The following SAMD5 variants were observed in gnomAD, a reference collection of about 807,000 sequenced individuals.
The protein encoded by SAMD5 is sterile alpha motif domain containing 5.
A neutral mutation model predicts 11.3 loss-of-function variants in SAMD5; 13 were observed. The observed-to-expected ratio is 1.15, with a 90% CI of 0.75 to 1.83. The LOEUF (loss-of-function observed/expected upper bound fraction) is 1.83, where lower values mean the gene tolerates loss of function less well. Ranked by LOEUF, SAMD5 falls within the 40% of genes most tolerant of loss-of-function variation. The pLI, the probability that SAMD5 is intolerant of heterozygous loss-of-function variation, is 0.00. For missense variants in SAMD5, 255 were observed against 239.1 expected, an observed-to-expected ratio of 1.07 and a Z score of -0.44; for synonymous variants, 129 against 111.3, an observed-to-expected ratio of 1.16 and a Z score of -1.00.
chr6:147,544,879 A>G (rs1366474990), intron 1 of SAMD5, among the ~76,000 whole-genome samples: 1 of 152,334 alleles, frequency 6.6e-6, no homozygotes, highest in East Asian at 1.9e-4. Context: ...AACACTTTCA[A>G]AGTTAATTCT....
chr6:147,877,735 T>C, the SAMD5 span, among the ~76,000 whole-genome samples: 1 of 151,810 alleles, frequency 6.6e-6, no homozygotes, highest in African/African-American at 2.4e-5. Flanking sequence ...AGAAAGGAAT[T>C]CTACCTCCAA....
chr6:147,862,533 C>G, the SAMD5 span, among the ~76,000 whole-genome samples: 2 of 152,184 alleles, frequency 1.3e-5, no homozygotes, highest in Non-Finnish European at 2.9e-5. Flanking sequence ...ACCCTGGCAG[C>G]CTCCGGATAT....
At chr6:147,778,458 C>T in the SAMD5 span, among the ~76,000 whole-genome samples, 2 of 152,190 alleles carry the variant, frequency 1.3e-5, no homozygotes, top group East Asian at 1.9e-4. Context: ...GCCCCTCATC[C>T]CTTGCCCACC....
At chr6:147,524,700 C>T (rs1363536221) in intron 1 of SAMD5, among the ~76,000 whole-genome samples, 2 of 152,020 alleles carry the variant, frequency 1.3e-5, no homozygotes, top group East Asian at 1.9e-4. Context: ...CCTAGATTCG[C>T]TTTTTAAAAT....
At chr6:147,734,717 A>G (rs1791769171) in intron 1 of SAMD5, among the ~76,000 whole-genome samples, 1 of 118,782 alleles carries the variant, frequency 8.4e-6, no homozygotes, top group Non-Finnish European at 1.5e-5. Flanking sequence ...CATCTAAAAA[A>G]AAAAAAAAAA....
the SAMD5 span, among the ~76,000 whole-genome samples, chr6:147,800,966 C>G: frequency 3.9e-5 from 6 of 151,900 alleles, no homozygotes; most frequent in African/African-American, 7.3e-5. Context: ...TACCTATAAC[C>G]TATTTTTATT....
the SAMD5 span, among the ~76,000 whole-genome samples, chr6:147,803,619 C>T: frequency 6.6e-6 from 1 of 152,218 alleles, no homozygotes; most frequent in African/African-American, 2.4e-5. Context: ...TAATCCCATG[C>T]TATCTTTGTA....
intron 1 of SAMD5, among the ~76,000 whole-genome samples, chr6:147,644,926 ATTTTGAGTTTG>A (rs1790374257): frequency 6.6e-6 from 1 of 152,196 alleles, no homozygotes; most frequent in African/African-American, 2.4e-5. Flanking sequence ...GGGACGCTGA[ATTTTGAGTTTG>A]TTGTTGAAGC....
chr6:147,742,846 G>A, the SAMD5 span, among the ~76,000 whole-genome samples: 1 of 152,112 alleles, frequency 6.6e-6, no homozygotes, highest in African/African-American at 2.4e-5. Flanking sequence ...TTTTCCTAAA[G>A]AAAAATTAGA....
chr6:147,898,723 A>G, the SAMD5 span, among the ~76,000 whole-genome samples: 1 of 152,182 alleles, frequency 6.6e-6, no homozygotes, highest in African/African-American at 2.4e-5. Flanking sequence ...ATTATAGCAT[A>G]TAATCATATA....
chr6:147,614,460 C>A (rs1294042487), intron 1 of SAMD5, among the ~76,000 whole-genome samples: 1 of 140,296 alleles, frequency 7.1e-6, no homozygotes. Flanking sequence ...CAGAGCTAGA[C>A]TCTGTCTCCA....
At chr6:147,790,975 G>A in the SAMD5 span, among the ~76,000 whole-genome samples, 36 of 152,080 alleles carry the variant, frequency 2.4e-4, no homozygotes, top group East Asian at 6.6e-3. Context: ...AAAAACATCC[G>A]AGATGTCCTT....
the SAMD5 span, among the ~76,000 whole-genome samples, chr6:147,884,432 G>T: frequency 6.6e-6 from 1 of 152,194 alleles, no homozygotes; most frequent in Non-Finnish European, 1.5e-5. Flanking sequence ...AGTTCTGAAA[G>T]CTAGGTGCCT....
chr6:147,520,117 G>GTTT (rs10632543), intron 1 of SAMD5, among the ~76,000 whole-genome samples: 3,716 of 136,820 alleles, frequency 0.027, 202 homozygotes, highest in African/African-American at 0.09. Flanking sequence ...GAACTTTATA[G>GTTT]TTTTTTTTTT....
the SAMD5 span, among the ~76,000 whole-genome samples, chr6:147,788,169 A>G: frequency 2.0e-5 from 3 of 152,208 alleles, no homozygotes; most frequent in Non-Finnish European, 4.4e-5. Flanking sequence ...ACAATTCTAA[A>G]TCTTTTGTTT....
the SAMD5 span, among the ~76,000 whole-genome samples, chr6:147,811,109 A>T: frequency 6.6e-6 from 1 of 152,214 alleles, no homozygotes. Context: ...GGTTGCTGTG[A>T]ATACAATGTT....
chr6:147,952,858 G>A, the SAMD5 span, among the ~76,000 whole-genome samples: 6 of 152,202 alleles, frequency 3.9e-5, no homozygotes, highest in East Asian at 3.9e-4. Flanking sequence ...ATAAAACTTG[G>A]AGAGACCTAC....
chr6:147,660,006 C>T (rs1279322630), intron 1 of SAMD5, among the ~76,000 whole-genome samples: 1 of 152,128 alleles, frequency 6.6e-6, no homozygotes, highest in African/African-American at 2.4e-5. Flanking sequence ...AATCACGATG[C>T]TATTAGGAGC....
the SAMD5 span, among the ~76,000 whole-genome samples, chr6:147,770,587 C>G: frequency 4.6e-5 from 7 of 152,172 alleles, no homozygotes; most frequent in African/African-American, 1.7e-4. Flanking sequence ...TGAAATACAA[C>G]TAACTGAGTA....
Sources: gnomAD v4.1 joint callset for allele counts (sites outside exome capture counted in the v4.1 genomes callset) on GRCh38, gnomAD v4.1.1 for gene constraint, MANE v1.5 for transcripts, NCBI Gene and HGNC (gene_info 2026-07-23, HGNC 2026-07-21) for gene names.